OFD1: variants seen among roughly 807,000 people sequenced by gnomAD.
OFD1 encodes OFD1 centriole and centriolar satellite protein.
OFD1 carries 12 observed loss-of-function variants against 81.4 expected under a neutral mutation model. That is an observed-to-expected ratio of 0.15 (90% CI 0.09 to 0.24). The LOEUF is 0.24. Among genes scored for constraint, OFD1 ranks in the 10% least tolerant of loss-of-function variants. OFD1 has a pLI of 1.00. For missense variants in OFD1, 685 were observed against 733.9 expected (o/e 0.93, Z 0.77); for synonymous variants, 256 against 263.7 (o/e 0.97, Z 0.28).
At chrX:13,739,566 A>T (rs773111096) in intron 5 of OFD1, among the ~76,000 whole-genome samples, 5 of 111,172 alleles carry the variant, frequency 4.5e-5, no homozygotes, top group Admixed American at 1.9e-4. Flanking sequence ...ACCAACCTGG[A>T]GAAACCCCGT....
chrX:13,721,653 T>A, the OFD1 span: 1 of 111,559 alleles, frequency 9.0e-6, no homozygotes, highest in African/African-American at 3.3e-5. Context: ...ATGACACATT[T>A]TATAAAGGAA....
At chrX:13,763,970 A>G (rs777044628) in intron 19 of OFD1, 115 bp downstream of exon 19, 1 of 592,445 alleles carries the variant, frequency 1.7e-6, no homozygotes, top group African/African-American at 2.2e-5. Context: ...TAAATTAGTC[A>G]AAATCTTGGG....
In OFD1 at chrX:13,737,781, A is replaced by T. The variant is rs571693803; in HGVS notation, c.313-1065A>T. On this transcript the variant is annotated intron_variant, in intron 3 of 22. Transcript: ENST00000340096. ...GACACAAGCTTAGTACAGTATTTGA[A>T]TGAAAACTTAAATAATTTGCATTTC... Among the ~76,000 whole-genome samples the T allele has an allele frequency of 6.2e-5, 7 of 112,497 alleles. No homozygotes were observed. In the South Asian group the frequency reaches 2.6e-3, roughly 41 times the overall value.
intron 20 of OFD1, chrX:13,767,809 A>C: frequency 2.9e-6 from 1 of 339,895 alleles, no homozygotes; most frequent in Non-Finnish European, 5.2e-6. Flanking sequence ...TAACATATGA[A>C]TGTTCCTTGG....
At chrX:13,743,311 C>T (rs1398468597) in intron 5 of OFD1, among the ~76,000 whole-genome samples, 1 of 112,230 alleles carries the variant, frequency 8.9e-6, no homozygotes, top group Non-Finnish European at 1.9e-5. Flanking sequence ...TTTTAATCCA[C>T]CAATGTATCT....
Position 13,744,514 on chromosome X carries a change from C to A in OFD1, c.512C>A (p.Ser171Tyr). 1 of 1,090,001 alleles carries A rather than the reference C, an allele frequency of 9.2e-7. No homozygotes were observed. Among genetic ancestry groups the A allele is most frequent in the Non-Finnish European group, 1.3e-6 (1 of 784,924 alleles). The allele number at this position is 1,090,001 out of a possible 1,213,427, so 89.8% of individuals were successfully genotyped here. Residue 171 changes from serine (S) to tyrosine (Y), a missense_variant, in exon 6 of 23, where the codon TCT (serine) becomes TAT (tyrosine). Ser to Tyr is a moderately radical substitution (Grantham distance 144, BLOSUM62 -2). Around this residue, in one of 3 missense-constraint regions of OFD1, gnomAD observed 414 missense variants for 447.2 expected, o/e 0.93. Transcript: ENST00000340096. ...TQTSSTFNRD[S>Y]LAEKLQLIDD... ...ACAAGTTCGACATTTAACAGAGATT[C>A]TCTGGGTAATTATAGCCTTCTTTCT...
chrX:13,750,917 A>G (rs773303524), intron 9 of OFD1, among the ~76,000 whole-genome samples: 116 of 112,831 alleles, frequency 1.0e-3, no homozygotes, highest in African/African-American at 3.5e-3. Context: ...TTTGTAACTA[A>G]TAATATCATT....
chrX:13,748,165 A>G (rs1296559594), intron 8 of OFD1, among the ~76,000 whole-genome samples: 1 of 112,402 alleles, frequency 8.9e-6, no homozygotes, highest in African/African-American at 3.2e-5. Context: ...ATAAAAATGA[A>G]TGTCAGAAGC....
At chrX:13,749,161 A>G (rs1411046929) in intron 8 of OFD1, among the ~76,000 whole-genome samples, 1 of 109,591 alleles carries the variant, frequency 9.1e-6, no homozygotes, top group African/African-American at 3.3e-5. Context: ...TAAGGGACTG[A>G]GAGATGTTAA....
chrX:13,769,657 T>C (rs1569169334), downstream of OFD1, among the ~76,000 whole-genome samples: 1 of 111,895 alleles, frequency 8.9e-6, no homozygotes, highest in African/African-American at 3.3e-5. Flanking sequence ...CCCCGTGTGA[T>C]AGAATTAAGA....
At position 13,754,413 on chromosome X, in the gene OFD1, C is replaced by CTT. The variant is rs869303506; in HGVS notation, c.1130-720_1130-719dup. ...CAGATACCCAATGTGTGGCTACTGT[C>CTT]TTTTTTTTTTTTTTTTTTTAAGAGA... is the stretch of plus-strand genomic sequence containing the variant. On this transcript the variant is annotated intron_variant, in intron 11 of 22. Transcript: ENST00000340096. 8.9e-3 allele frequency among the ~76,000 whole-genome samples: 801 copies of CTT among 90,213 alleles called. 15 individuals are homozygous for CTT. The highest frequency in any genetic ancestry group is 0.032 in the South Asian group (62 of 1,932). The allele number at this position is 90,213 out of a possible 115,157, so 78.3% of individuals were successfully genotyped here.
At chrX:13,738,806 T>C in intron 3 of OFD1, 40 bp from the exon 4 acceptor site, 1 of 776,464 alleles carries the variant, frequency 1.3e-6, no homozygotes, top group Non-Finnish European at 2.0e-6. Context: ...TAAACACTGA[T>C]ATAAAAATAT....
chrX:13,767,383 C>T, intron 20 of OFD1, 99 bp downstream of exon 20: 1 of 911,789 alleles, frequency 1.1e-6, no homozygotes, highest in South Asian at 2.0e-5. Flanking sequence ...TGTACAAAGT[C>T]AGAGGTGCGG....
downstream of OFD1, chrX:13,772,509 G>A (rs1453472608): frequency 1.5e-5 from 2 of 136,987 alleles, no homozygotes; most frequent in African/African-American, 6.2e-5. Flanking sequence ...CTTGATGCTG[G>A]GCATGTCACA....
Position 13,746,902 on chromosome X carries a change from T to G in OFD1, c.777T>G (p.Ala259=). 2.5e-6 allele frequency: 3 copies of G among 1,211,066 alleles called. No individual in the cohort carries two copies. The highest frequency in any genetic ancestry group is 3.5e-5 in the South Asian group (2 of 56,959). The change falls in exon 8 of 23, where the codon GCT becomes GCG. Residue 259 remains alanine (A), a synonymous_variant. Transcript: ENST00000340096. The part of the protein sequence containing the change: ...FEKACQAKSE[A]LVLREKSTLE... ...AAGCTTGTCAAGCAAAATCTGAAGC[T>G]CTCGTTCTTCGGGAAAAGAGTACCC... is the stretch of plus-strand genomic sequence containing the variant.
chrX:13,740,918 C>CA (rs2146940587), intron 5 of OFD1, among the ~76,000 whole-genome samples: 1 of 110,820 alleles, frequency 9.0e-6, no homozygotes, highest in Admixed American at 9.6e-5. Flanking sequence ...GCGGGCGGAT[C>CA]ACGAGGTCGG....
intron 5 of OFD1, among the ~76,000 whole-genome samples, chrX:13,741,293 G>A (rs1306640033): frequency 8.9e-6 from 1 of 112,188 alleles, no homozygotes; most frequent in Non-Finnish European, 1.9e-5. Flanking sequence ...GCATCCTAGT[G>A]CCAAAATTTG....
the OFD1 span, chrX:13,715,939 C>T: frequency 1.8e-6 from 2 of 1,118,463 alleles, no homozygotes; most frequent in African/African-American, 3.7e-5. Flanking sequence ...CTTCAATAGG[C>T]CAGTTTCCTG....
Position 13,757,784 on chromosome X carries a change from A to G in OFD1, c.1536A>G (p.Gln512=), listed in dbSNP as rs138532127. Residue 512 remains glutamine (Q), a synonymous_variant, in exon 14 of 23, where the codon CAA becomes CAG. Coordinates refer to ENST00000340096, the MANE Select transcript of OFD1 (RefSeq NM_003611.3). The part of the protein sequence containing the change: ...SCRQALHKQL[Q]DEIEHSAQLK... ...GGCAAGCTCTGCACAAACAACTGCA[A>G]GACGAAGTGAGTATTGCTCTTCTTC... 8.7e-5 allele frequency: 105 copies of G among 1,209,584 alleles called. No homozygotes were observed. The highest frequency in any genetic ancestry group is 2.2e-5 in the Admixed American group (1 of 45,794).
Sources: allele counts gnomAD v4.1 joint callset (sites outside exome capture counted in the v4.1 genomes callset), GRCh38; gene constraint gnomAD v4.1.1; regional missense constraint gnomAD v4.1.1; transcripts MANE v1.5; gene names NCBI Gene and HGNC (gene_info 2026-07-23, HGNC 2026-07-21).